FOXP1: variants seen among roughly 807,000 people sequenced by gnomAD.
The protein encoded by FOXP1 is forkhead box P1, also known as forkhead box protein P1.
In FOXP1, 15 loss-of-function variants were observed where a neutral mutation model predicts 98.2. That is an observed-to-expected ratio of 0.15 (90% CI 0.10 to 0.24). FOXP1 has a LOEUF of 0.24. Among genes scored for constraint, FOXP1 ranks in the 10% least tolerant of loss-of-function variants. FOXP1 has a pLI of 1.00. For synonymous variants in FOXP1, 371 were observed against 314.5 expected (o/e 1.18, Z -1.90); for missense variants, 633 against 848.5 (o/e 0.75, Z 3.15).
At chr3:71,163,376 T>C (rs2061239588) in intron 6 of FOXP1, among the ~76,000 whole-genome samples, 2 of 152,212 alleles carry the variant, frequency 1.3e-5, no homozygotes, top group African/African-American at 4.8e-5. Context: ...CTGGTCACCC[T>C]TTCTACCCCT....
At chr3:71,122,980 G>A (rs1210815724) in intron 6 of FOXP1, among the ~76,000 whole-genome samples, 1 of 152,044 alleles carries the variant, frequency 6.6e-6, no homozygotes, top group African/African-American at 2.4e-5. Flanking sequence ...TTTTCTCAGT[G>A]TCACACCTTC....
At position 71,046,279 on chromosome 3, in the gene FOXP1, A is replaced by T. The variant is rs1408994219; in HGVS notation, c.664+663T>A. On this transcript the variant is annotated intron_variant, in intron 10 of 20. Transcript: ENST00000649528. ...GGGATAAAATGTCAGTGGGCTTTGT[A>T]AAAGAAATTTACTAAATGTATAAAA... 2.6e-5 allele frequency among the ~76,000 whole-genome samples: 4 copies of T among 152,226 alleles called. No homozygotes were observed. The East Asian group carries it at 7.7e-4, about 29-fold the overall frequency.
intron 6 of FOXP1, among the ~76,000 whole-genome samples, chr3:71,176,501 T>C (rs2108251911): frequency 6.6e-6 from 1 of 152,278 alleles, no homozygotes; most frequent in East Asian, 1.9e-4. Flanking sequence ...AGGACCCTAA[T>C]GCCTTAGCTT....
At chr3:71,503,318 C>G (rs894936491) in intron 2 of FOXP1, among the ~76,000 whole-genome samples, 1 of 152,134 alleles carries the variant, frequency 6.6e-6, no homozygotes, top group South Asian at 2.1e-4. Context: ...AATAAAAATA[C>G]AGGCCAAATT....
chr3:71,303,238 G>C (rs1260153036), intron 4 of FOXP1, among the ~76,000 whole-genome samples: 1 of 152,130 alleles, frequency 6.6e-6, no homozygotes, highest in Non-Finnish European at 1.5e-5. Flanking sequence ...AAGCAACTCT[G>C]AAGTATGCCC....
chr3:71,101,081 G>C (rs2056915659), intron 7 of FOXP1, among the ~76,000 whole-genome samples: 2 of 152,178 alleles, frequency 1.3e-5, no homozygotes, highest in South Asian at 4.1e-4. Flanking sequence ...TAAGGTGGCA[G>C]CAGGGGAAAC....
At chr3:71,084,229 TTTC>T (rs915073158) in intron 7 of FOXP1, among the ~76,000 whole-genome samples, 1 of 152,186 alleles carries the variant, frequency 6.6e-6, no homozygotes, top group Non-Finnish European at 1.5e-5. Flanking sequence ...GCCCTGGGAA[TTTC>T]TTCAAGACAT....
intron 2 of FOXP1, among the ~76,000 whole-genome samples, chr3:71,560,492 T>C (rs560030819): frequency 1.8e-4 from 27 of 152,350 alleles, no homozygotes; most frequent in Admixed American, 2.0e-4. Flanking sequence ...GGAAACTGTT[T>C]GGCAGTTCCT....
chr3:71,107,215 G>A (rs966465328), intron 7 of FOXP1, among the ~76,000 whole-genome samples: 9 of 152,154 alleles, frequency 5.9e-5, no homozygotes, highest in African/African-American at 2.2e-4. Flanking sequence ...ATTACAACTT[G>A]CACCAAAATT....
intron 12 of FOXP1, among the ~76,000 whole-genome samples, chr3:71,003,318 T>A (rs997846553): frequency 6.6e-6 from 1 of 152,216 alleles, no homozygotes; most frequent in African/African-American, 2.4e-5. Flanking sequence ...ATGTCCTTAA[T>A]GATGTTTAAA....
At chr3:70,959,462 T>A in intron 20 of FOXP1, 71 bp from the exon 21 acceptor site, 3 of 1,584,122 alleles carry the variant, frequency 1.9e-6, no homozygotes, top group African/African-American at 2.7e-5. Flanking sequence ...ACTGAAAAGT[T>A]TGGGGCAACA....
intron 5 of FOXP1, among the ~76,000 whole-genome samples, chr3:71,214,663 C>T (rs1265383913): frequency 6.6e-6 from 1 of 152,118 alleles, no homozygotes; most frequent in Non-Finnish European, 1.5e-5. Context: ...CAACAGGGCT[C>T]CTAATAACGA....
Position 70,959,408 on chromosome 3 carries a change from G to C in FOXP1, c.1890-17C>G, listed in dbSNP as rs192056954. On this transcript the variant is annotated splice_polypyrimidine_tract_variant and intron_variant, in intron 20 of 20. Transcript: ENST00000649528. ...ACAGGATGCCTGGAAAAAATATGCA[G>C]AGGTTCAGTGAGGGTACTTCCCAGC... The C allele has an allele frequency of 1.9e-6, 3 of 1,613,872 alleles. No individual in the cohort carries two copies. The highest frequency in any genetic ancestry group is 2.5e-6 in the Non-Finnish European group (3 of 1,179,980).
intron 3 of FOXP1, among the ~76,000 whole-genome samples, chr3:71,396,530 G>A (rs1371662120): frequency 6.6e-6 from 1 of 151,906 alleles, no homozygotes; most frequent in Non-Finnish European, 1.5e-5. Context: ...TGTCCCGTGG[G>A]AACAAGCTTC....
At chr3:71,359,868 C>G (rs2078431684) in intron 3 of FOXP1, among the ~76,000 whole-genome samples, 1 of 152,176 alleles carries the variant, frequency 6.6e-6, no homozygotes, top group Non-Finnish European at 1.5e-5. Context: ...TCTCGGCTCA[C>G]TGCAACCTCC....
At chr3:70,962,529 CCTTAAA>C (rs2033789590) in intron 20 of FOXP1, among the ~76,000 whole-genome samples, 1 of 152,122 alleles carries the variant, frequency 6.6e-6, no homozygotes, top group African/African-American at 2.4e-5. Flanking sequence ...GCTCAGGTTA[CCTTAAA>C]TTGTGTTTCT....
intron 6 of FOXP1, chr3:71,130,568 A>G (rs2059507156): frequency 6.3e-7 from 1 of 1,598,266 alleles, no homozygotes; most frequent in Admixed American, 1.7e-5. Flanking sequence ...CTTGCTGTAG[A>G]TGGGTTCTGG....
intron 4 of FOXP1, among the ~76,000 whole-genome samples, chr3:71,330,600 A>G (rs2076232686): frequency 6.6e-6 from 1 of 152,252 alleles, no homozygotes; most frequent in Non-Finnish European, 1.5e-5. Flanking sequence ...GGACAAATTT[A>G]TAACTAAAAG....
At chr3:71,387,760 T>A (rs1163467625) in intron 3 of FOXP1, among the ~76,000 whole-genome samples, 1 of 152,232 alleles carries the variant, frequency 6.6e-6, no homozygotes, top group Non-Finnish European at 1.5e-5. Flanking sequence ...AGGACCCATG[T>A]GTTCATGCGG....
Sources: gnomAD v4.1 joint callset for allele counts (sites outside exome capture counted in the v4.1 genomes callset) on GRCh38, gnomAD v4.1.1 for gene constraint, MANE v1.5 for transcripts, NCBI Gene and HGNC (gene_info 2026-07-23, HGNC 2026-07-21) for gene names.